The following SZT2 variants were observed in gnomAD, a reference collection of about 807,000 sequenced individuals.
SZT2 encodes the protein SZT2 subunit of KICSTOR complex.
Under a neutral mutation model 404.2 loss-of-function variants are expected in SZT2, and 216 were observed. The ratio of observed to expected loss-of-function variants is 0.53; its 90% CI spans 0.48 to 0.60. The LOEUF (loss-of-function observed/expected upper bound fraction) is 0.60. Ranked by LOEUF, SZT2 falls within the 20% of genes least tolerant of loss-of-function variation. The pLI is 0.00. For synonymous variants in SZT2, 1,693 were observed against 1,749.9 expected (o/e 0.97, Z 0.81); for missense variants, 3,857 against 4,459.2 (o/e 0.86, Z 3.85).
At position 43,453,455 on chromosome 1, in the gene SZT2, C is replaced by A. The variant is rs747888724; in HGVS notation, c.*2975C>A. ...TCCCTCTCGGAAGGCCGCCTGTCTC[C>A]CGGGGACGGCCCCCAGCCCCATTTC... On this transcript the variant is annotated 3_prime_UTR_variant, in exon 72 of 72. Coordinates refer to ENST00000634258, the MANE Select transcript of SZT2 (RefSeq NM_001365999.1). 6.4e-7 allele frequency: 1 copy of A among 1,563,692 alleles called. No homozygotes were observed. Among genetic ancestry groups the A allele is most frequent in the East Asian group, 2.4e-5 (1 of 41,516 alleles).
In SZT2 at chr1:43,422,893, G is replaced by A. The variant is rs1341374152; in HGVS notation, c.2037+10G>A. The A allele has an allele frequency of 6.4e-7, 1 of 1,571,106 alleles. No homozygotes were observed. The highest frequency in any genetic ancestry group is 8.6e-7 in the Non-Finnish European group (1 of 1,165,712). ...ACCGGCCCGGCACAAGGTAAGCTGG[G>A]CCCTGACTGACTCTGACCAAGGAGC... On this transcript the variant is annotated intron_variant, in intron 14 of 71. Transcript: ENST00000634258.
At position 43,453,791 on chromosome 1, in the gene SZT2, C is replaced by G. The variant is rs1029163281; in HGVS notation, c.*3311C>G. On this transcript the variant is annotated 3_prime_UTR_variant, in exon 72 of 72. Coordinates refer to ENST00000634258, the MANE Select transcript of SZT2 (RefSeq NM_001365999.1). ...GATTGGCGGAGAAGCGCAGCGGCGC[C>G]ATGCCTGGGGAGGCCGGGCCGGGCG... The G allele has an allele frequency of 5.3e-5, 68 of 1,279,266 alleles. No individual in the cohort carries two copies. Among genetic ancestry groups the G allele is most frequent in the Non-Finnish European group, 6.6e-5 (67 of 1,016,168 alleles). The allele number at this position is 1,279,266 out of a possible 1,614,324, so 79.2% of individuals were successfully genotyped here.
At position 43,430,556 on chromosome 1, in the gene SZT2, G is replaced by A. The variant is rs1309175428; in HGVS notation, c.4541G>A (p.Arg1514Gln). 1.2e-5 allele frequency: 19 copies of A among 1,614,076 alleles called. No homozygotes were observed. The highest frequency in any genetic ancestry group is 5.0e-5 in the Admixed American group (3 of 60,006). The change falls in exon 32 of 72, where the codon CGG becomes CAG. Residue 1514 changes from arginine to glutamine, a missense_variant. Transcript: ENST00000634258. ...GACCCAGAGCTAGAGGTAGAATACC[G>A]GGAGAGCCGTGAATCAGACCTGGGG... ...ESDPELEVEY[R>Q]ESRESDLGPA...
chr1:43,433,226 C>T, intron 40 of SZT2, 36 bp downstream of exon 40: 1 of 1,601,224 alleles, frequency 6.2e-7, no homozygotes, highest in Non-Finnish European at 8.5e-7. Context: ...CTCATGCTCC[C>T]ATTAACCTCT....
intron 42 of SZT2, 81 bp downstream of exon 42, chr1:43,435,410 G>GACTCT: frequency 1.3e-6 from 2 of 1,518,542 alleles, no homozygotes; most frequent in Non-Finnish European, 8.9e-7. Flanking sequence ...GAAAGCTGAG[G>GACTCT]GCAGAGTCCT....
At chr1:43,418,847 CAGG>C (rs1457509104) in intron 7 of SZT2, among the ~76,000 whole-genome samples, 13 of 152,114 alleles carry the variant, frequency 8.5e-5, no homozygotes, top group Non-Finnish European at 1.9e-4. Flanking sequence ...AGAGCAGCAG[CAGG>C]AGGAGGGTGG....
chr1:43,426,583 T>C lies in SZT2; in HGVS notation c.3214+45T>C. On this transcript the variant is annotated intron_variant, in intron 22 of 71. Coordinates refer to ENST00000634258, the MANE Select transcript of SZT2 (RefSeq NM_001365999.1). This position sits in a 1 kb window ranked among gnomAD's most constrained non-coding sequence, Gnocchi z 4.9. Reference sequence around the variant, plus strand: ...CTGACACCAGACCCTGGCCCAGCCCTTTTCCCCCACCCTCACAGGGTGATT... The same window carrying C: ...CTGACACCAGACCCTGGCCCAGCCCCTTTCCCCCACCCTCACAGGGTGATT... 2 of 1,512,116 alleles carry C rather than the reference T, an allele frequency of 1.3e-6. No homozygotes were observed. The highest frequency in any genetic ancestry group is 1.2e-5 in the South Asian group (1 of 81,112). 93.7% of individuals were successfully genotyped at this position (1,512,116 alleles called of 1,614,324 possible). A position where few individuals can be genotyped will look rare whatever the true frequency, so the allele number is the denominator to read the frequency against.
rs571522183 is a variant in SZT2 at position 43,453,680 on chromosome 1, G to T, written c.*3200G>T. ...CCTCAGGCGTCTCCGCGTACGGCCAGGCCACCTCGACGGCCTCGAAGCCCG... is the reference window on the plus strand; with the variant it reads ...CCTCAGGCGTCTCCGCGTACGGCCATGCCACCTCGACGGCCTCGAAGCCCG... On this transcript the variant is annotated 3_prime_UTR_variant, in exon 72 of 72. Transcript: ENST00000634258. The T allele has an allele frequency of 2.3e-5, 34 of 1,463,968 alleles. No homozygotes were observed. The African/African-American group carries it at 4.6e-4, about 20-fold the overall frequency. The allele number at this position is 1,463,968 out of a possible 1,614,324, so 90.7% of individuals were successfully genotyped here.
chr1:43,428,786 C>T (rs1653499957), intron 28 of SZT2: 1 of 355,742 alleles, frequency 2.8e-6, no homozygotes, highest in South Asian at 4.1e-5. Context: ...CTGAGGACAT[C>T]CACACAATAG....
chr1:43,430,488 A>G lies in SZT2; in HGVS notation c.4481-8A>G, dbSNP rs1570667974. 3 of 1,612,490 alleles carry G rather than the reference A, an allele frequency of 1.9e-6. No homozygotes were observed. Among genetic ancestry groups the G allele is most frequent in the East Asian group, 2.2e-5 (1 of 44,856 alleles). Reference sequence around the variant, plus strand: ...CTCTCTCATTGACCATGTGACATGCACTACTAGGAGACACATCTGCCTGCT... The same window carrying G: ...CTCTCTCATTGACCATGTGACATGCGCTACTAGGAGACACATCTGCCTGCT... On this transcript the variant is annotated splice_polypyrimidine_tract_variant and splice_region_variant and intron_variant, in intron 31 of 71. Transcript: ENST00000634258.
rs1275526435 is a variant in SZT2, at chr1:43,432,335, T to C, written c.5338T>C (p.Phe1780Leu). ...LLEDPDSGFFFVAAGQQPGGS... is the reference protein window; with the variant it reads ...LLEDPDSGFFLVAAGQQPGGS... ...TGAAGACCCTGACAGTGGCTTCTTCTTTGTGGCAGCTGGCCAACAGCCAGG... is the reference window on the plus strand; with the variant it reads ...TGAAGACCCTGACAGTGGCTTCTTCCTTGTGGCAGCTGGCCAACAGCCAGG... The change falls in exon 37 of 72, where the codon TTT becomes CTT. Residue 1780 changes from phenylalanine to leucine, a missense_variant. Transcript: ENST00000634258. 3.7e-6 allele frequency: 6 copies of C among 1,605,826 alleles called. No individual in the cohort carries two copies. The highest frequency in any genetic ancestry group is 3.4e-6 in the Non-Finnish European group (4 of 1,176,806).
intron 39 of SZT2, 63 bp downstream of exon 39, chr1:43,432,862 G>T: frequency 6.2e-7 from 1 of 1,602,714 alleles, no homozygotes; most frequent in East Asian, 2.2e-5. Context: ...GGGCTGTACT[G>T]GGAAAGGTCT....
In SZT2 at chr1:43,450,339, T is replaced by A. The variant is rs1339184637; in HGVS notation, c.10158T>A (p.Ser3386=). 1 of 1,613,958 alleles carries A rather than the reference T, an allele frequency of 6.2e-7. No individual in the cohort carries two copies. Among genetic ancestry groups the A allele is most frequent in the Non-Finnish European group, 8.5e-7 (1 of 1,179,954 alleles). Residue 3386 remains serine (S), a splice_region_variant and synonymous_variant, in exon 72 of 72, where the codon TCT becomes TCA. Coordinates refer to ENST00000634258, the MANE Select transcript of SZT2 (RefSeq NM_001365999.1). This position sits in a 1 kb window ranked among gnomAD's most constrained non-coding sequence, Gnocchi z 4.3. The stretch of plus-strand genomic sequence containing the variant: ...CATCCCCACCGTGTTCCCCACAGTC[T>A]CTGACAGTGGTTTTCCGAGAGCCCT... ...VFLDSHLGKT[S]LTVVFREPFP... is the part of the protein sequence containing the mutation.
In SZT2 at chr1:43,441,156, C is replaced by G. The variant is rs762539242; in HGVS notation, c.7345-58C>G. The G allele has an allele frequency of 6.3e-7, 1 of 1,579,458 alleles. No homozygotes were observed. Among genetic ancestry groups the G allele is most frequent in the Non-Finnish European group, 8.6e-7 (1 of 1,159,106 alleles). ...AGCTCACTGCTGTTCCATAGTGCCC[C>G]CATCCCACACCTTTCCTCTTCCCAG... On this transcript the variant is annotated intron_variant, in intron 52 of 71. Coordinates refer to ENST00000634258, the MANE Select transcript of SZT2 (RefSeq NM_001365999.1). This position sits in a 1 kb window ranked among gnomAD's most constrained non-coding sequence, Gnocchi z 4.8.
rs777653128 is a variant in SZT2 at position 43,442,258 on chromosome 1, C to G, written c.7874-10C>G. On this transcript the variant is annotated splice_polypyrimidine_tract_variant and intron_variant, in intron 56 of 71. Transcript: ENST00000634258. The surrounding 1 kb of genome is among the most constrained non-coding windows in gnomAD (Gnocchi z 4.5). The stretch of plus-strand genomic sequence containing the variant: ...CCAGGCCCCTATTGTGCCCCTCCCC[C>G]ACCCTGTAGCTGCCAAAGCCATGCA... 1.1e-5 allele frequency: 17 copies of G among 1,611,024 alleles called. No homozygotes were observed. The highest frequency in any genetic ancestry group is 1.7e-4 in the Middle Eastern group (1 of 6,060).
Position 43,403,785 on chromosome 1 carries a change from G to A in SZT2, c.327+11G>A. 6.2e-7 allele frequency: 1 copy of A among 1,610,760 alleles called. No homozygotes were observed. The highest frequency in any genetic ancestry group is 8.5e-7 in the Non-Finnish European group (1 of 1,177,134). ...TCTACTGGCATTGTGGTAAAGGATT[G>A]AAGGGAGACTGTGGGAAGAAAGGAT... On this transcript the variant is annotated intron_variant, in intron 3 of 71. Transcript: ENST00000634258.
At chr1:43,447,371 C>CT (rs1360442005) in intron 66 of SZT2, among the ~76,000 whole-genome samples, 174 bp from the exon 67 acceptor site, 3 of 152,192 alleles carry the variant, frequency 2.0e-5, no homozygotes, top group Non-Finnish European at 4.4e-5. Context: ...CCCCTGCCCT[C>CT]TGAGTCACTT....
In SZT2 at chr1:43,452,226, A is replaced by G. The variant is rs1018991318; in HGVS notation, c.*1746A>G. The G allele has an allele frequency of 1.5e-5, 24 of 1,613,556 alleles. 3 individuals are homozygous for G. In the Middle Eastern group the frequency reaches 2.6e-3, roughly 178 times the overall value. ...TCACCTGAGCCAAAACCCCAGCTGC[A>G]TGCCTCAGGTTCTCCAGAAAAACGG... On this transcript the variant is annotated 3_prime_UTR_variant, in exon 72 of 72. Coordinates refer to ENST00000634258, the MANE Select transcript of SZT2 (RefSeq NM_001365999.1).
At chr1:43,394,161 C>T (rs1648719592) in intron 1 of SZT2, 1 of 625,478 alleles carries the variant, frequency 1.6e-6, no homozygotes, top group Non-Finnish European at 2.0e-6. Flanking sequence ...GTGGAAGAAT[C>T]ACTTGGAGAC....
Sources: gnomAD v4.1 joint callset for allele counts (sites outside exome capture counted in the v4.1 genomes callset) on GRCh38, gnomAD v4.1.1 for gene constraint, Gnocchi (gnomAD v3.1) non-coding constraint, MANE v1.5 for transcripts, NCBI Gene and HGNC (gene_info 2026-07-23, HGNC 2026-07-21) for gene names.